Variants in AGR3 observed in about 807,000 individuals in gnomAD.
The protein encoded by AGR3 is anterior gradient 3, protein disulphide isomerase family member.
A neutral mutation model predicts 24.5 loss-of-function variants in AGR3; 37 were observed. That is an observed-to-expected ratio of 1.51 (90% CI 1.16 to 1.99). The LOEUF is 1.99. Among genes scored for constraint, AGR3 ranks in the 30% most tolerant of loss-of-function variants. The probability of loss-of-function intolerance (pLI) is 0.00; values close to 1 mark genes in which losing one functional copy is unlikely to be tolerated. For synonymous variants in AGR3, 75 were observed against 61.6 expected (o/e 1.22, Z -1.02); for missense variants, 228 against 191.1 (o/e 1.19, Z -1.14).
At chr7:16,871,410 T>C (rs1287833464) in intron 3 of AGR3, among the ~76,000 whole-genome samples, 1 of 152,174 alleles carries the variant, frequency 6.6e-6, no homozygotes, top group Non-Finnish European at 1.5e-5. Context: ...TTTTGATTCA[T>C]CAATGAGGTA....
chr7:16,856,472 T>A (rs1327248100), downstream of AGR3, among the ~76,000 whole-genome samples: 1 of 152,236 alleles, frequency 6.6e-6, no homozygotes, highest in Non-Finnish European at 1.5e-5. Context: ...CATTTTAGTG[T>A]GTTTCAAATA....
intron 7 of AGR3, 112 bp downstream of exon 7, chr7:16,860,388 A>G: frequency 1.2e-6 from 1 of 819,622 alleles, no homozygotes; most frequent in Non-Finnish European, 2.1e-6. Context: ...AAACACCACC[A>G]CTAGCCTCAG....
chr7:16,859,405 G>A, downstream of AGR3: 1 of 529,378 alleles, frequency 1.9e-6, no homozygotes, highest in Non-Finnish European at 3.3e-6. Flanking sequence ...AAACTATATT[G>A]TCAGTCTCAG....
rs1781731526 is a variant in AGR3, at chr7:16,865,187, T to C, written c.174-2525A>G. 5.3e-6 allele frequency: 4 copies of C among 753,378 alleles called. No homozygotes were observed. In the Admixed American group the frequency reaches 6.6e-5, roughly 12 times the overall value. The allele number at this position is 753,378 out of a possible 1,614,324, so 46.7% of individuals were successfully genotyped here. ...CTTGACTTTCAAAAACCCTATCAGTTTTTTTTCTTTGTTTTGATTTTGACA... is the reference window on the plus strand; with the variant it reads ...CTTGACTTTCAAAAACCCTATCAGTCTTTTTTCTTTGTTTTGATTTTGACA... On this transcript the variant is annotated intron_variant, in intron 3 of 7. Transcript: ENST00000310398.
intron 1 of AGR3, among the ~76,000 whole-genome samples, chr7:16,880,457 G>A (rs538331058): frequency 3.5e-4 from 47 of 133,708 alleles, no homozygotes; most frequent in Admixed American, 1.9e-3. Context: ...TACATCGCCC[G>A]GACTCCTTTC....
In AGR3 at chr7:16,862,203, C is replaced by T. The variant is rs531112903; in HGVS notation, c.227-143G>A. On this transcript the variant is annotated intron_variant, in intron 4 of 7. Coordinates refer to ENST00000310398, the MANE Select transcript of AGR3 (RefSeq NM_176813.5). Reference sequence around the variant, plus strand: ...TTAATAGTTCATTGGCCTATTGCCACTTTGTCCCTCATTGGAAAGCAATGA... The same window carrying T: ...TTAATAGTTCATTGGCCTATTGCCATTTTGTCCCTCATTGGAAAGCAATGA... 7 of 638,400 alleles carry T rather than the reference C, an allele frequency of 1.1e-5. No individual in the cohort carries two copies. In the Admixed American group the frequency reaches 1.7e-4, roughly 15 times the overall value. The allele number at this position is 638,400 out of a possible 1,614,324, so 39.5% of individuals were successfully genotyped here.
At chr7:16,863,444 G>C (rs1050764953) in intron 3 of AGR3, among the ~76,000 whole-genome samples, 4 of 152,040 alleles carry the variant, frequency 2.6e-5, no homozygotes, top group African/African-American at 9.7e-5. Context: ...TTTTTGGGGG[G>C]TCATTTTGAT....
chr7:16,858,900 T>C (rs80318082), downstream of AGR3, among the ~76,000 whole-genome samples: 2,890 of 152,174 alleles, frequency 0.019, 97 homozygotes, highest in African/African-American at 0.066. Context: ...ATAAATGTAG[T>C]TGAATTTTTA....
chr7:16,876,552 T>C (rs1427334740), intron 2 of AGR3, among the ~76,000 whole-genome samples: 1 of 152,138 alleles, frequency 6.6e-6, no homozygotes, highest in African/African-American at 2.4e-5. Context: ...CCACTCTTTA[T>C]ACTGTATCCA....
rs1781599517 is a variant in AGR3 at position 16,859,491 on chromosome 7, T to C, written c.*91A>G. On this transcript the variant is annotated 3_prime_UTR_variant, in exon 8 of 8. Transcript: ENST00000310398. ...CTAAATAGTAATATTACAAAATCTA[T>C]ATACTTGCACATTTAGTATTTGTCA... 2 of 809,010 alleles carry C rather than the reference T, an allele frequency of 2.5e-6. No homozygotes were observed. Among genetic ancestry groups the C allele is most frequent in the Non-Finnish European group, 3.9e-6 (2 of 510,564 alleles). 50.1% of individuals were successfully genotyped at this position (809,010 alleles called of 1,614,324 possible). A position where few individuals can be genotyped will look rare whatever the true frequency, so the allele number is the denominator to read the frequency against.
chr7:16,859,632 C>G lies in AGR3; in HGVS notation c.452-1G>C. 1 of 1,499,064 alleles carries G rather than the reference C, an allele frequency of 6.7e-7. No homozygotes were observed. Among genetic ancestry groups the G allele is most frequent in the African/African-American group, 1.4e-5 (1 of 73,052 alleles). 92.9% of individuals were successfully genotyped at this position (1,499,064 alleles called of 1,614,324 possible). On this transcript the variant is annotated splice_acceptor_variant, in intron 7 of 7. Transcript: ENST00000310398. LOFTEE classifies it high-confidence loss of function. ...AATGCTTTCTTCATGTTTTCTATCA[C>G]TGAAATAAGAGTTAATATATATTAT...
intron 3 of AGR3, among the ~76,000 whole-genome samples, chr7:16,871,894 C>T (rs747123971): frequency 6.6e-6 from 1 of 151,874 alleles, no homozygotes; most frequent in East Asian, 1.9e-4. Flanking sequence ...AATATATTAA[C>T]CAAGGAGGTG....
intron 3 of AGR3, chr7:16,865,340 C>T (rs1426969120): frequency 1.7e-6 from 2 of 1,152,250 alleles, no homozygotes; most frequent in East Asian, 4.7e-5. Flanking sequence ...GACAGAGCAC[C>T]TCTAGAGAAG....
chr7:16,855,120 C>T (rs1230751732), downstream of AGR3, among the ~76,000 whole-genome samples: 1 of 152,048 alleles, frequency 6.6e-6, no homozygotes, highest in Non-Finnish European at 1.5e-5. Flanking sequence ...ATTTATCATT[C>T]CTTGTATTGG....
intron 3 of AGR3, among the ~76,000 whole-genome samples, chr7:16,867,931 C>G (rs1781789265): frequency 6.6e-6 from 1 of 152,104 alleles, no homozygotes; most frequent in African/African-American, 2.4e-5. Context: ...TTTGAGTAAT[C>G]TCTATACATT....
At chr7:16,860,685 A>G (rs1781623968) in intron 6 of AGR3, 102 bp from the exon 7 acceptor site, 1 of 791,760 alleles carries the variant, frequency 1.3e-6, no homozygotes, top group African/African-American at 1.7e-5. Flanking sequence ...GGTTATGTGT[A>G]CAAGTTTGTT....
Position 16,881,738 on chromosome 7 carries a change from A to G in AGR3, c.-28+206T>C, listed in dbSNP as rs571164847. ...AGAGTCGTTTTTGTGGTTGACGTCAATTTATTCTAATACCATTAATATAAA... is the reference window on the plus strand; with the variant it reads ...AGAGTCGTTTTTGTGGTTGACGTCAGTTTATTCTAATACCATTAATATAAA... On this transcript the variant is annotated intron_variant, in intron 1 of 7. Transcript: ENST00000310398. Among the ~76,000 whole-genome samples, 16 of 152,328 alleles carry G rather than the reference A, an allele frequency of 1.1e-4. No individual in the cohort carries two copies. The South Asian group carries it at 3.3e-3, about 32-fold the overall frequency.
In AGR3 at chr7:16,860,560, C is replaced by G. The variant is rs1781621546; in HGVS notation, c.391G>C (p.Asp131His). The change falls in exon 7 of 8, where the codon GAC (aspartate) becomes CAC (histidine). Residue 131 changes from aspartate (D) to histidine (H), a missense_variant. Physicochemically the swap from Asp to His is moderately conservative, Grantham distance 81. Coordinates refer to ENST00000310398, the MANE Select transcript of AGR3 (RefSeq NM_176813.5). ...FVDPSLTVRA[D>H]IAGRYSNRLY... ...CTGTTAGAGTATCTTCCAGCTATGT[C>G]AGCTCTAACTGTTAAAGAAGGGTCT... The G allele has an allele frequency of 6.2e-7, 1 of 1,613,554 alleles. No homozygotes were observed. The highest frequency in any genetic ancestry group is 8.5e-7 in the Non-Finnish European group (1 of 1,179,628).
At chr7:16,856,802 TACACACACACATACAC>T (rs1404199259), downstream of AGR3, among the ~76,000 whole-genome samples, 11 of 150,070 alleles carry the variant, frequency 7.3e-5, no homozygotes, top group Admixed American at 7.3e-4. Context: ...ATTATACACA[TACACACACACATACAC>T]ACACACACAC....
Sources: allele counts gnomAD v4.1 joint callset (sites outside exome capture counted in the v4.1 genomes callset), GRCh38; gene constraint gnomAD v4.1.1; transcripts MANE v1.5; gene names NCBI Gene and HGNC (gene_info 2026-07-23, HGNC 2026-07-21).